Variants in INPP4B observed in about 807,000 individuals in gnomAD.
INPP4B encodes the protein inositol polyphosphate-4-phosphatase type II B, also known as inositol polyphosphate 4-phosphatase type II.
INPP4B carries 55 observed loss-of-function variants against 122.5 expected under a neutral mutation model. The observed-to-expected ratio is 0.45, with a 90% confidence interval of 0.36 to 0.56. The LOEUF (loss-of-function observed/expected upper bound fraction) is 0.56. Ranked by LOEUF, INPP4B falls within the 20% of genes least tolerant of loss-of-function variation. INPP4B has a pLI of 0.00. For synonymous variants in INPP4B, 403 were observed against 388.7 expected, an observed-to-expected ratio of 1.04 and a Z score of -0.43; for missense variants, 1,000 against 1,097.7, an observed-to-expected ratio of 0.91 and a Z score of 1.26.
chr4:142,520,025 G>T (rs1825884825), intron 2 of INPP4B, among the ~76,000 whole-genome samples: 1 of 151,772 alleles, frequency 6.6e-6, no homozygotes, highest in Admixed American at 6.6e-5. Context: ...GAAAATCTGG[G>T]TTCTAAATTA....
intron 12 of INPP4B, among the ~76,000 whole-genome samples, chr4:142,221,166 G>A (rs150771420): frequency 1.3e-5 from 2 of 152,004 alleles, no homozygotes; most frequent in South Asian, 2.1e-4. Context: ...TTGGGAGGCC[G>A]AGGCGAGTGG....
chr4:142,542,825 A>C (rs1829096459), intron 2 of INPP4B, among the ~76,000 whole-genome samples: 1 of 152,188 alleles, frequency 6.6e-6, no homozygotes, highest in South Asian at 2.1e-4. Flanking sequence ...CAGTAAGATT[A>C]AATAAGATGC....
At chr4:142,729,724 T>A (rs1765816886) in intron 1 of INPP4B, among the ~76,000 whole-genome samples, 1 of 152,190 alleles carries the variant, frequency 6.6e-6, no homozygotes, top group African/African-American at 2.4e-5. Context: ...TGTCTCACTT[T>A]GTTACTTACT....
At chr4:142,369,587 AAAATAAATAAAT>A (rs34391492) in intron 7 of INPP4B, among the ~76,000 whole-genome samples, 2 of 142,456 alleles carry the variant, frequency 1.4e-5, no homozygotes, top group African/African-American at 5.2e-5. Context: ...GAAAATTAAA[AAAATAAATAAAT>A]AAATAAATAA....
chr4:142,029,122 T>C, intron 25 of INPP4B: 1 of 1,282,304 alleles, frequency 7.8e-7, no homozygotes, highest in Non-Finnish European at 9.9e-7. Flanking sequence ...AAGAGATGAC[T>C]TAAGTCTCTT....
chr4:142,819,281 G>C (rs915088517), intron 1 of INPP4B, among the ~76,000 whole-genome samples: 4 of 152,154 alleles, frequency 2.6e-5, no homozygotes, highest in Non-Finnish European at 5.9e-5. Context: ...GGTTCTCCTA[G>C]TCCTTACCCT....
At chr4:142,180,409 G>T (rs1335692865) in intron 15 of INPP4B, among the ~76,000 whole-genome samples, 2 of 151,928 alleles carry the variant, frequency 1.3e-5, no homozygotes, top group Non-Finnish European at 2.9e-5. Flanking sequence ...GCCTAATAAA[G>T]CCAATATTTT....
intron 9 of INPP4B, among the ~76,000 whole-genome samples, chr4:142,276,282 C>T (rs534125940): frequency 6.6e-6 from 1 of 151,848 alleles, no homozygotes; most frequent in Admixed American, 6.6e-5. Flanking sequence ...TTATTTTTTT[C>T]CTATTAAAAG....
intron 2 of INPP4B, among the ~76,000 whole-genome samples, chr4:142,553,436 C>G (rs1728437894): frequency 1.3e-5 from 2 of 152,180 alleles, no homozygotes; most frequent in African/African-American, 4.8e-5. Context: ...GAAAAGATTG[C>G]TTTCTATGCC....
At chr4:142,497,794 T>C (rs149457354) in intron 2 of INPP4B, among the ~76,000 whole-genome samples, 21 of 152,292 alleles carry the variant, frequency 1.4e-4, no homozygotes, top group African/African-American at 4.6e-4. Flanking sequence ...TGTAGCATTC[T>C]TGGCATACTG....
Position 142,124,692 on chromosome 4 carries a change from G to C in INPP4B, c.1789C>G (p.Arg597Gly), listed in dbSNP as rs2152759779. ...LKDCMGEVVNRAKQSLTFVLL... is the reference protein window; with the variant it reads ...LKDCMGEVVNGAKQSLTFVLL... ...ACAAATGTCAGGGACTGCTTGGCTC[G>C]GTTCACCACTTCTCCCATGCAGTCC... The change falls in exon 19 of 26, where the codon CGA becomes GGA. Residue 597 changes from arginine (R) to glycine (G), a missense_variant. Coordinates refer to ENST00000262992, the MANE Select transcript of INPP4B (RefSeq NM_001101669.3). The C allele has an allele frequency of 1.2e-6, 2 of 1,612,092 alleles. No individual in the cohort carries two copies. Among genetic ancestry groups the C allele is most frequent in the South Asian group, 2.2e-5 (2 of 90,976 alleles).
chr4:142,749,868 A>G (rs367821090), intron 1 of INPP4B, among the ~76,000 whole-genome samples: 1 of 123,854 alleles, frequency 8.1e-6, no homozygotes, highest in African/African-American at 3.2e-5. Flanking sequence ...TCAAGAAAAT[A>G]AATCAATTAT....
At chr4:142,521,055 C>G (rs1826009555) in intron 2 of INPP4B, among the ~76,000 whole-genome samples, 8 of 151,858 alleles carry the variant, frequency 5.3e-5, no homozygotes, top group Admixed American at 5.3e-4. Context: ...AAAAATCAAA[C>G]AAACCCATCA....
At chr4:142,124,910 T>A in intron 18 of INPP4B, 150 bp from the exon 19 acceptor site, 1 of 636,882 alleles carries the variant, frequency 1.6e-6, no homozygotes, top group Non-Finnish European at 2.5e-6. Context: ...ATCTCTAATT[T>A]AAATCTCTCG....
At position 142,173,696 on chromosome 4, in the gene INPP4B, A is replaced by G; in HGVS notation, c.1295T>C (p.Leu432Pro). The change falls in exon 16 of 26, where the codon CTT (leucine) becomes CCT (proline). Residue 432 changes from leucine (L) to proline (P), a missense_variant. Leu to Pro is a moderately conservative substitution (Grantham distance 98). Coordinates refer to ENST00000262992, the MANE Select transcript of INPP4B (RefSeq NM_001101669.3). ...PLIATHADLL[L>P]NSASQHSPDS... is the part of the protein sequence containing the mutation. Reference sequence around the variant, plus strand: ...TGGAGAATGCTGGCTTGCAGAATTAAGCAGTAGGTCTGCATGGGTTGCTAT... The same window carrying G: ...TGGAGAATGCTGGCTTGCAGAATTAGGCAGTAGGTCTGCATGGGTTGCTAT... The G allele has an allele frequency of 1.2e-6, 2 of 1,613,268 alleles. No individual in the cohort carries two copies. The highest frequency in any genetic ancestry group is 1.7e-6 in the Non-Finnish European group (2 of 1,179,414).
chr4:142,235,186 G>A (rs1856152499), intron 12 of INPP4B, among the ~76,000 whole-genome samples: 1 of 151,988 alleles, frequency 6.6e-6, no homozygotes, highest in African/African-American at 2.4e-5. Flanking sequence ...CCTTTAAGAG[G>A]TTTCTAAACT....
At chr4:142,598,878 G>A (rs1739274167) in intron 2 of INPP4B, among the ~76,000 whole-genome samples, 1 of 152,218 alleles carries the variant, frequency 6.6e-6, no homozygotes, top group Non-Finnish European at 1.5e-5. Context: ...AGAGGCTGAG[G>A]TAGGTGAATC....
chr4:142,343,408 T>G (rs1254534873), intron 7 of INPP4B, among the ~76,000 whole-genome samples: 1 of 151,984 alleles, frequency 6.6e-6, no homozygotes, highest in Non-Finnish European at 1.5e-5. Flanking sequence ...TAGATAGATA[T>G]AGGGCATTTA....
intron 9 of INPP4B, among the ~76,000 whole-genome samples, chr4:142,275,189 T>C (rs539923411): frequency 6.6e-6 from 1 of 151,930 alleles, no homozygotes; most frequent in African/African-American, 2.4e-5. Flanking sequence ...CAAAGGATAA[T>C]TTAATGACAC....
Sources: gnomAD v4.1 joint callset for allele counts (sites outside exome capture counted in the v4.1 genomes callset) on GRCh38, gnomAD v4.1.1 for gene constraint, MANE v1.5 for transcripts, NCBI Gene and HGNC (gene_info 2026-07-23, HGNC 2026-07-21) for gene names.